GAN: variants seen among roughly 807,000 people sequenced by gnomAD.
GAN encodes gigaxonin, also known as epididymis secretory sperm binding protein.
In GAN, 48 loss-of-function variants were observed where a neutral mutation model predicts 71.3. The ratio of observed to expected loss-of-function variants is 0.67; its 90% confidence interval spans 0.53 to 0.86. The LOEUF is 0.86. Among genes scored for constraint, GAN ranks in the 40% least tolerant of loss-of-function variants. The probability of loss-of-function intolerance (pLI) is 0.00; values close to 1 mark genes in which losing one functional copy is unlikely to be tolerated. For missense variants in GAN, 928 were observed against 770.1 expected, an observed-to-expected ratio of 1.21 and a Z score of -2.43; for synonymous variants, 386 against 276.8, an observed-to-expected ratio of 1.39 and a Z score of -3.92.
At chr16:81,363,979 C>T (rs1329045237) in intron 7 of GAN, 36 bp downstream of exon 7, 4 of 1,530,458 alleles carry the variant, frequency 2.6e-6, no homozygotes, top group Admixed American at 1.7e-5. Flanking sequence ...AGTCTGTGTA[C>T]ACATTGGATT....
At position 81,376,462 on chromosome 16, in the gene GAN, C is replaced by CAT. The variant is rs1385692900; in HGVS notation, c.1503-754_1503-753dup. Among the ~76,000 whole-genome samples, 899 of 93,788 alleles carry CAT rather than the reference C, an allele frequency of 9.6e-3. 4 individuals are homozygous for CAT. Among genetic ancestry groups the CAT allele is most frequent in the Non-Finnish European group, 0.015 (658 of 43,472 alleles). The allele number at this position is 93,788 out of a possible 152,430, so 61.5% of individuals were successfully genotyped here. A position where few individuals can be genotyped will look rare whatever the true frequency, so the allele number is the denominator to read the frequency against. On this transcript the variant is annotated intron_variant, in intron 9 of 10. Coordinates refer to ENST00000648994, the MANE Select transcript of GAN (RefSeq NM_022041.4). ...TGGCAATATCCCATCTTTATACATA[C>CAT]ATATGTGTGTGTGTGTGTGTGTGTG...
chr16:81,370,895 A>C (rs1030344977), intron 9 of GAN, among the ~76,000 whole-genome samples: 2 of 152,140 alleles, frequency 1.3e-5, no homozygotes, highest in African/African-American at 4.8e-5. Flanking sequence ...TAGATTACTT[A>C]TGGTAGATCT....
rs1416565698 is a variant in GAN, at chr16:81,377,485, TC to T, written c.1685del (p.Pro562HisfsTer47). Reference sequence around the variant, plus strand: ...CCTGGCACCACACTAAACCACTCCTTCCATCCGACCTTCGCCGTACAGGATG... The same window carrying T: ...CCTGGCACCACACTAAACCACTCCTTCATCCGACCTTCGCCGTACAGGATG... ...GTWHHTKPLL[P>X]SDLRRTGCAA... On this transcript the variant is annotated frameshift_variant, in exon 11 of 11. Coordinates refer to ENST00000648994, the MANE Select transcript of GAN (RefSeq NM_022041.4). LOFTEE classifies it high-confidence loss of function. 6.2e-7 allele frequency: 1 copy of T among 1,614,006 alleles called. No homozygotes were observed. The highest frequency in any genetic ancestry group is 8.5e-7 in the Non-Finnish European group (1 of 1,179,964).
intron 1 of GAN, among the ~76,000 whole-genome samples, chr16:81,329,926 C>G (rs2150671340): frequency 6.6e-6 from 1 of 152,326 alleles, no homozygotes; most frequent in South Asian, 2.1e-4. Flanking sequence ...ACCTAGCTCC[C>G]TCCCCCAGCC....
rs535363407 is a variant in GAN at position 81,364,259 on chromosome 16, ACTCT to A, written c.1236+327_1236+330del. On this transcript the variant is annotated intron_variant, in intron 7 of 10. Coordinates refer to ENST00000648994, the MANE Select transcript of GAN (RefSeq NM_022041.4). ...TTTTCTTTCTGTCTTTCCCTCTCTT[ACTCT>A]CTCTCTCTCTTTCCTTTTGTTGTTG... Among the ~76,000 whole-genome samples the A allele has an allele frequency of 3.2e-3, 484 of 150,642 alleles. 2 individuals are homozygous for A. Among genetic ancestry groups the A allele is most frequent in the African/African-American group, 0.011 (458 of 41,034 alleles).
intron 5 of GAN, among the ~76,000 whole-genome samples, chr16:81,359,780 C>T (rs914743486): frequency 2.0e-5 from 3 of 152,020 alleles, no homozygotes. Flanking sequence ...CATCCATACC[C>T]ATGATAAAGT....
In GAN at chr16:81,389,418, G is replaced by A. The variant is rs1224977345; in HGVS notation, c.*11822G>A. ...GCAGAAGTTTTGAACAATCTTTGCA[G>A]CCACTGTTGGGGTGTGTACCAGCAG... On this transcript the variant is annotated 3_prime_UTR_variant, in exon 11 of 11. Transcript: ENST00000648994. The A allele has an allele frequency of 6.6e-6, 1 of 152,194 alleles. No homozygotes were observed. The highest frequency in any genetic ancestry group is 1.5e-5 in the Non-Finnish European group (1 of 68,056). The allele number at this position is 152,194 out of a possible 1,614,324, so 9.4% of individuals were successfully genotyped here. A position where few individuals can be genotyped will look rare whatever the true frequency, so the allele number is the denominator to read the frequency against.
At chr16:81,374,288 G>C (rs1310842461) in intron 9 of GAN, among the ~76,000 whole-genome samples, 1 of 152,166 alleles carries the variant, frequency 6.6e-6, no homozygotes, top group Non-Finnish European at 1.5e-5. Flanking sequence ...GGTGGTATCT[G>C]TTAGATTTCT....
chr16:81,352,255 C>G (rs572624875), intron 2 of GAN, among the ~76,000 whole-genome samples: 3 of 152,322 alleles, frequency 2.0e-5, no homozygotes, highest in East Asian at 1.9e-4. Flanking sequence ...CCCTTATTCT[C>G]TCTTCCCTCT....
intron 9 of GAN, among the ~76,000 whole-genome samples, chr16:81,367,292 G>A (rs1197395624): frequency 2.6e-5 from 4 of 152,098 alleles, no homozygotes; most frequent in African/African-American, 4.8e-5. Flanking sequence ...GGAGGCCGAC[G>A]CGGGCAGATC....
chr16:81,332,329 A>T (rs142893110), intron 1 of GAN, among the ~76,000 whole-genome samples: 1 of 152,190 alleles, frequency 6.6e-6, no homozygotes, highest in East Asian at 1.9e-4. Flanking sequence ...AGTTTCAGCA[A>T]CTGGGCTTGT....
intron 9 of GAN, among the ~76,000 whole-genome samples, chr16:81,368,443 G>A (rs1407062105): frequency 6.6e-6 from 1 of 152,086 alleles, no homozygotes; most frequent in African/African-American, 2.4e-5. Context: ...TATGAATTTT[G>A]AAAAAATTCA....
intron 1 of GAN, among the ~76,000 whole-genome samples, chr16:81,350,607 C>G (rs979006734): frequency 6.6e-6 from 1 of 151,934 alleles, no homozygotes; most frequent in African/African-American, 2.4e-5. Context: ...CCTCCATCTC[C>G]CAGGTTCGAG....
At chr16:81,328,646 C>CTTA (rs1555509137) in intron 1 of GAN, among the ~76,000 whole-genome samples, 8 of 29,692 alleles carry the variant, frequency 2.7e-4, no homozygotes, top group Non-Finnish European at 2.9e-4. Context: ...CAGTGTGTAT[C>CTTA]TTATTTTTTT....
chr16:81,328,608 A>G (rs1273332198), intron 1 of GAN, among the ~76,000 whole-genome samples: 1 of 151,662 alleles, frequency 6.6e-6, no homozygotes, highest in African/African-American at 2.4e-5. Context: ...CTGTCCAGGA[A>G]AACTGTCTTA....
At chr16:81,365,774 G>T (rs1208277064) in intron 9 of GAN, among the ~76,000 whole-genome samples, 1 of 151,822 alleles carries the variant, frequency 6.6e-6, no homozygotes, top group Non-Finnish European at 1.5e-5. Flanking sequence ...AACTTGTTGG[G>T]CATGGTGGCT....
intron 9 of GAN, among the ~76,000 whole-genome samples, chr16:81,374,542 T>G (rs1215488738): frequency 6.6e-6 from 1 of 152,250 alleles, no homozygotes; most frequent in Non-Finnish European, 1.5e-5. Context: ...TTTTTCCTGT[T>G]AATGTTTTCC....
At chr16:81,324,111 T>G (rs1215790925) in intron 1 of GAN, among the ~76,000 whole-genome samples, 1 of 152,222 alleles carries the variant, frequency 6.6e-6, no homozygotes, top group Non-Finnish European at 1.5e-5. Flanking sequence ...CTAAAAGAAT[T>G]TAATTGGCTG....
At chr16:81,346,035 A>G (rs1360106442) in intron 1 of GAN, among the ~76,000 whole-genome samples, 3 of 152,232 alleles carry the variant, frequency 2.0e-5, no homozygotes, top group African/African-American at 7.2e-5. Context: ...GGTTACTTTA[A>G]AATAAGAACT....
Sources: allele counts gnomAD v4.1 joint callset (sites outside exome capture counted in the v4.1 genomes callset), GRCh38; gene constraint gnomAD v4.1.1; transcripts MANE v1.5; gene names NCBI Gene and HGNC (gene_info 2026-07-23, HGNC 2026-07-21).